Variants in LAMA3 observed in about 807,000 individuals in gnomAD.
LAMA3 encodes the protein laminin subunit alpha 3.
LAMA3 carries 281 observed loss-of-function variants against 402.0 expected under a neutral mutation model. The observed-to-expected ratio is 0.70, with a 90% CI of 0.63 to 0.77. LAMA3 has a LOEUF of 0.77. Ranked by LOEUF, LAMA3 falls within the 30% of genes least tolerant of loss-of-function variation. The pLI is 0.00. For synonymous variants in LAMA3, 1,431 were observed against 1,558.4 expected (o/e 0.92, Z 1.93); for missense variants, 3,840 against 4,215.5 (o/e 0.91, Z 2.47).
intron 2 of LAMA3, among the ~76,000 whole-genome samples, chr18:23,745,413 A>G (rs1351251696): frequency 6.6e-6 from 1 of 152,230 alleles, no homozygotes; most frequent in East Asian, 1.9e-4. Context: ...GAGATATATC[A>G]TAACATAGCT....
intron 2 of LAMA3, among the ~76,000 whole-genome samples, chr18:23,724,049 A>G (rs1296362365): frequency 6.6e-6 from 1 of 152,094 alleles, no homozygotes; most frequent in East Asian, 1.9e-4. Flanking sequence ...CTTTAACCCA[A>G]GTCCCCAAAG....
intron 65 of LAMA3, 143 bp from the exon 66 acceptor site, chr18:23,932,017 G>T: frequency 1.0e-6 from 1 of 984,100 alleles, no homozygotes. Flanking sequence ...AAGTTGTAAT[G>T]CTCTTTAAAA....
chr18:23,939,665 G>C (rs1343479946), intron 68 of LAMA3, among the ~76,000 whole-genome samples: 1 of 152,184 alleles, frequency 6.6e-6, no homozygotes, highest in African/African-American at 2.4e-5. Flanking sequence ...CTAAAAATAA[G>C]GATGACATTT....
chr18:23,845,789 G>T (rs1006610793), intron 30 of LAMA3, among the ~76,000 whole-genome samples: 12 of 152,202 alleles, frequency 7.9e-5, no homozygotes, highest in African/African-American at 2.9e-4. Flanking sequence ...CCTTGGGAAT[G>T]TCACCTAACT....
chr18:23,905,568 C>A lies in LAMA3; in HGVS notation c.6662C>A (p.Ser2221Tyr). Residue 2221 changes from serine (S) to tyrosine (Y), a missense_variant, in exon 52 of 75, where the codon TCC becomes TAC. This residue lies in a region of LAMA3 where 891 missense variants were observed against 857.5 expected (regional missense o/e 1.04). Coordinates refer to ENST00000313654, the MANE Select transcript of LAMA3 (RefSeq NM_198129.4). ...DLPRKAKTLS[S>Y]NSDKLLNEAK... The stretch of plus-strand genomic sequence containing the variant: ...CCAAGAAAAGCTAAAACCCTGAGTT[C>A]CAACAGTGATAAACTGTTAAATGAA... 3 of 1,612,162 alleles carry A rather than the reference C, an allele frequency of 1.9e-6. No individual in the cohort carries two copies. The highest frequency in any genetic ancestry group is 2.2e-5 in the South Asian group (2 of 90,972).
In LAMA3 at chr18:23,861,502, G is replaced by A. The variant is rs115493133; in HGVS notation, c.4423-144G>A. 533 of 830,034 alleles carry A rather than the reference G, an allele frequency of 6.4e-4. 2 individuals carry two copies. In the African/African-American group the frequency reaches 8.1e-3, roughly 13 times the overall value. The allele number at this position is 830,034 out of a possible 1,614,324, so 51.4% of individuals were successfully genotyped here. ...TCAGACGGGGCTCTGGCTCGGGAGGGCAGGTGCAGGAGTAGACGCATAAAG... is the reference window on the plus strand; with the variant it reads ...TCAGACGGGGCTCTGGCTCGGGAGGACAGGTGCAGGAGTAGACGCATAAAG... On this transcript the variant is annotated intron_variant, in intron 34 of 74. Coordinates refer to ENST00000313654, the MANE Select transcript of LAMA3 (RefSeq NM_198129.4).
rs1383168213 is a variant in LAMA3, at chr18:23,914,462, T to C, written c.7382T>C (p.Val2461Ala). The change falls in exon 57 of 75, where the codon GTC (valine) becomes GCC (alanine). Residue 2461 changes from valine (V) to alanine (A), a missense_variant. Val to Ala is a moderately conservative substitution (Grantham distance 64, BLOSUM62 0). Transcript: ENST00000313654. ...MAVVDGQLTC[V>A]YNLGDREAEL... ...GTTGTGGATGGCCAGCTCACCTGTG[T>C]CTACAACCTGGGGGACCGTGAGGCT... 2 of 1,614,100 alleles carry C rather than the reference T, an allele frequency of 1.2e-6. No homozygotes were observed. The highest frequency in any genetic ancestry group is 1.7e-5 in the Admixed American group (1 of 60,014).
In LAMA3 at chr18:23,775,781, A is replaced by T; in HGVS notation, c.1274-11A>T. ...AAGGACGGATCCTTTGAAAACTGGG[A>T]TTTCTCTTAGCCTGCAGCTGTGACC... On this transcript the variant is annotated splice_polypyrimidine_tract_variant and intron_variant, in intron 9 of 74. Coordinates refer to ENST00000313654, the MANE Select transcript of LAMA3 (RefSeq NM_198129.4). The T allele has an allele frequency of 6.2e-7, 1 of 1,613,930 alleles. No homozygotes were observed. Among genetic ancestry groups the T allele is most frequent in the Non-Finnish European group, 8.5e-7 (1 of 1,179,860 alleles).
At chr18:23,763,753 T>G (rs1380994515) in intron 8 of LAMA3, among the ~76,000 whole-genome samples, 1 of 152,188 alleles carries the variant, frequency 6.6e-6, no homozygotes, top group Non-Finnish European at 1.5e-5. Context: ...GTTTCTCGAT[T>G]TAAATTTTGC....
intron 12 of LAMA3, among the ~76,000 whole-genome samples, chr18:23,809,054 G>T (rs1425762083): frequency 6.6e-6 from 1 of 152,094 alleles, no homozygotes; most frequent in African/African-American, 2.4e-5. Context: ...TTCAGTGTGG[G>T]AAAGTGTAAA....
intron 12 of LAMA3, among the ~76,000 whole-genome samples, chr18:23,784,406 C>T (rs1054129734): frequency 2.6e-5 from 4 of 152,108 alleles, no homozygotes; most frequent in Non-Finnish European, 4.4e-5. Context: ...GGTTCAAATC[C>T]TGGCTCTGGA....
At chr18:23,768,901 G>A (rs977063865) in intron 8 of LAMA3, among the ~76,000 whole-genome samples, 4 of 152,108 alleles carry the variant, frequency 2.6e-5, no homozygotes, top group Admixed American at 6.6e-5. Flanking sequence ...AAAACCAAAC[G>A]CCACACGTTC....
chr18:23,922,620 A>T (rs1160209194), intron 62 of LAMA3, among the ~76,000 whole-genome samples: 1 of 152,230 alleles, frequency 6.6e-6, no homozygotes, highest in Admixed American at 6.5e-5. Flanking sequence ...GTAGCCCCTG[A>T]GTTTTACAAA....
At chr18:23,855,591 C>G (rs1190130253) in intron 32 of LAMA3, among the ~76,000 whole-genome samples, 1 of 152,140 alleles carries the variant, frequency 6.6e-6, no homozygotes, top group African/African-American at 2.4e-5. Context: ...GCCAGGAGCC[C>G]TCTGATAAGA....
intron 25 of LAMA3, 181 bp downstream of exon 25, chr18:23,837,270 T>G: frequency 1.6e-6 from 1 of 615,824 alleles, no homozygotes; most frequent in Non-Finnish European, 2.9e-6. Context: ...TGAGCATTTT[T>G]TGATATGGCC....
intron 6 of LAMA3, among the ~76,000 whole-genome samples, chr18:23,754,718 C>T (rs562978134): frequency 6.6e-6 from 1 of 152,248 alleles, no homozygotes; most frequent in East Asian, 1.9e-4. Context: ...TGTTGAGGTT[C>T]AGCCATACAT....
chr18:23,875,906 A>T (rs2064693864), intron 38 of LAMA3, among the ~76,000 whole-genome samples: 1 of 152,076 alleles, frequency 6.6e-6, no homozygotes, highest in South Asian at 2.1e-4. Flanking sequence ...CATGCATCTC[A>T]CACTCCCACC....
chr18:23,867,411 T>C (rs2064385347), intron 36 of LAMA3, among the ~76,000 whole-genome samples: 1 of 152,010 alleles, frequency 6.6e-6, no homozygotes, highest in South Asian at 2.1e-4. Flanking sequence ...AAGAAGGGTG[T>C]GGTGGTGAGC....
At position 23,931,214 on chromosome 18, in the gene LAMA3, A is replaced by G; in HGVS notation, c.8576+13A>G. ...GCGACAACTCTGGGTGAGTGGAATA[A>G]TACTTCTGTCAGAGCTGTGAGTGAG... On this transcript the variant is annotated intron_variant, in intron 65 of 74. Transcript: ENST00000313654. 6.2e-7 allele frequency: 1 copy of G among 1,607,448 alleles called. No individual in the cohort carries two copies. Among genetic ancestry groups the G allele is most frequent in the Non-Finnish European group, 8.5e-7 (1 of 1,173,884 alleles).
Sources: allele counts gnomAD v4.1 joint callset (sites outside exome capture counted in the v4.1 genomes callset), GRCh38; gene constraint gnomAD v4.1.1; regional missense constraint gnomAD v4.1.1; transcripts MANE v1.5; gene names NCBI Gene and HGNC (gene_info 2026-07-23, HGNC 2026-07-21).